PTH2R: variants seen among roughly 807,000 people sequenced by gnomAD.
PTH2R encodes the protein PTH2 receptor.
In PTH2R, 59 loss-of-function variants were observed where a neutral mutation model predicts 60.3. The ratio of observed to expected loss-of-function variants is 0.98; its 90% CI spans 0.79 to 1.22. The LOEUF (loss-of-function observed/expected upper bound fraction) is 1.22, where lower values mean the gene tolerates loss of function less well. Ranked by LOEUF, PTH2R falls within the 50% of genes most tolerant of loss-of-function variation. PTH2R has a pLI of 0.00. For missense variants in PTH2R, 749 were observed against 682.6 expected, an observed-to-expected ratio of 1.10 and a Z score of -1.08; for synonymous variants, 256 against 243.8, an observed-to-expected ratio of 1.05 and a Z score of -0.47.
chr2:208,400,604 A>G (rs1296745971), intron 1 of PTH2R, among the ~76,000 whole-genome samples: 1 of 152,214 alleles, frequency 6.6e-6, no homozygotes, highest in Non-Finnish European at 1.5e-5. Context: ...TTGTGGTACT[A>G]TCTATAACCT....
intron 9 of PTH2R, among the ~76,000 whole-genome samples, chr2:208,480,285 A>G (rs935468604): frequency 2.0e-5 from 3 of 152,186 alleles, no homozygotes; most frequent in African/African-American, 7.2e-5. Context: ...TTGGCAATCT[A>G]CATTTCCATT....
chr2:208,460,899 C>A (rs1460787364), intron 9 of PTH2R, among the ~76,000 whole-genome samples: 3 of 152,018 alleles, frequency 2.0e-5, no homozygotes, highest in Admixed American at 2.0e-4. Context: ...GTTTCATATT[C>A]TTCTTGTTTT....
chr2:208,361,054 A>G (rs541099270), intron 1 of PTH2R: 18 of 209,122 alleles, frequency 8.6e-5, no homozygotes, highest in Non-Finnish European at 1.4e-4. Flanking sequence ...ACAGATGGCG[A>G]TGACACACAG....
At chr2:208,483,854 T>C (rs1574914284) in intron 10 of PTH2R, among the ~76,000 whole-genome samples, 3 of 152,206 alleles carry the variant, frequency 2.0e-5, no homozygotes, top group Admixed American at 2.0e-4. Context: ...GAGAAAAATG[T>C]GGGAACCTAC....
chr2:208,434,399 C>CA (rs1702032903), intron 2 of PTH2R, among the ~76,000 whole-genome samples: 1 of 151,630 alleles, frequency 6.6e-6, no homozygotes, highest in African/African-American at 2.4e-5. Context: ...AAAGAGCAAC[C>CA]AAAAAAATAA....
rs772768021 is a variant in PTH2R, at chr2:208,442,449, T to C, written c.497T>C (p.Ile166Thr). Residue 166 changes from isoleucine (I) to threonine (T), a missense_variant, in exon 5 of 13, where the codon ATT (isoleucine) becomes ACT (threonine). Physicochemically the swap from Ile to Thr is moderately conservative, Grantham distance 89. Coordinates refer to ENST00000272847, the MANE Select transcript of PTH2R (RefSeq NM_005048.4). ...TCCTTGGCTGTGGCTATTCTCATCA[T>C]TGGTTACTTCAGGTGAGTGATGCCC... ...FGSLAVAILIIGYFRRLHCTR... is the reference protein window; with the variant it reads ...FGSLAVAILITGYFRRLHCTR... The C allele has an allele frequency of 1.1e-5, 18 of 1,606,762 alleles. No homozygotes were observed. In the African/African-American group the frequency reaches 2.1e-4, roughly 19 times the overall value.
chr2:208,450,771 A>G lies in PTH2R; in HGVS notation c.876A>G (p.Ala292=). 1 of 1,614,040 alleles carries G rather than the reference A, an allele frequency of 6.2e-7. No homozygotes were observed. Residue 292 remains alanine (A), a synonymous_variant, in exon 8 of 13, where the codon GCA becomes GCG. Transcript: ENST00000272847. The part of the protein sequence containing the change: ...IGWGFPAAFV[A]AWAVARATLA... ...CAGGGTTTCCAGCAGCATTTGTTGCAGCATGGGCTGTGGCACGAGCAACTC... is the reference window on the plus strand; with the variant it reads ...CAGGGTTTCCAGCAGCATTTGTTGCGGCATGGGCTGTGGCACGAGCAACTC...
intron 4 of PTH2R, 35 bp from the exon 5 acceptor site, chr2:208,442,329 T>C (rs1702201334): frequency 7.1e-7 from 1 of 1,415,956 alleles, no homozygotes; most frequent in South Asian, 1.2e-5. Context: ...GGTAAAATAG[T>C]CCCATATCAT....
chr2:208,487,922 T>C (rs990199085), intron 10 of PTH2R, among the ~76,000 whole-genome samples: 1 of 152,204 alleles, frequency 6.6e-6, no homozygotes, highest in Non-Finnish European at 1.5e-5. Flanking sequence ...GTTACAGCCT[T>C]ATGCAATGTA....
intron 1 of PTH2R, among the ~76,000 whole-genome samples, chr2:208,381,194 T>C (rs1214334594): frequency 2.0e-5 from 3 of 152,082 alleles, no homozygotes; most frequent in Non-Finnish European, 4.4e-5. Context: ...ATAAAATATA[T>C]GTAAAGAACC....
Position 208,489,079 on chromosome 2 carries a change from C to G in PTH2R, c.1144C>G (p.Leu382Val), listed in dbSNP as rs1703341388. The part of the protein sequence containing the change: ...FGVHYIVFVC[L>V]PHSFTGLGWE... ...AGTGCATTACATCGTGTTCGTATGC[C>G]TGCCTCACTCCTTCACTGGGCTCGG... The change falls in exon 11 of 13, where the codon CTG (leucine) becomes GTG (valine). Residue 382 changes from leucine to valine, a missense_variant. By Grantham distance (32) the Leu-to-Val change is conservative (BLOSUM62 1). Coordinates refer to ENST00000272847, the MANE Select transcript of PTH2R (RefSeq NM_005048.4). 3 of 1,614,090 alleles carry G rather than the reference C, an allele frequency of 1.9e-6. No homozygotes were observed. Among genetic ancestry groups the G allele is most frequent in the Non-Finnish European group, 2.5e-6 (3 of 1,179,988 alleles).
In PTH2R at chr2:208,494,359, TCA is replaced by T. The variant is rs1260527994; in HGVS notation, c.*701_*702del. ...AACTATGTCATGTGGAAAGATTTCCTCAGTTAGTGAGCTTGTGTCTGCAAATT... is the reference window on the plus strand; with the variant it reads ...AACTATGTCATGTGGAAAGATTTCCTGTTAGTGAGCTTGTGTCTGCAAATT... On this transcript the variant is annotated 3_prime_UTR_variant, in exon 13 of 13. Coordinates refer to ENST00000272847, the MANE Select transcript of PTH2R (RefSeq NM_005048.4). 1.3e-5 allele frequency: 2 copies of T among 152,250 alleles called. No individual in the cohort carries two copies. Among genetic ancestry groups the T allele is most frequent in the Non-Finnish European group, 2.9e-5 (2 of 68,040 alleles). 9.4% of individuals were successfully genotyped at this position (152,250 alleles called of 1,614,324 possible).
In PTH2R at chr2:208,453,661, A is replaced by G. The variant is rs76441441; in HGVS notation, c.914+2852A>G. Among the ~76,000 whole-genome samples the G allele has an allele frequency of 3.3e-3, 500 of 152,268 alleles. 3 individuals are homozygous for G. Among genetic ancestry groups the G allele is most frequent in the African/African-American group, 0.012 (483 of 41,536 alleles). Reference sequence around the variant, plus strand: ...TGCTCCATATCTATTAAGCAATGATAAAGTTTGAGTTAATGCAAGTTGTGA... The same window carrying G: ...TGCTCCATATCTATTAAGCAATGATGAAGTTTGAGTTAATGCAAGTTGTGA... On this transcript the variant is annotated intron_variant, in intron 8 of 12. Coordinates refer to ENST00000272847, the MANE Select transcript of PTH2R (RefSeq NM_005048.4).
intron 1 of PTH2R, among the ~76,000 whole-genome samples, chr2:208,419,247 T>C (rs1179001407): frequency 1.3e-5 from 2 of 152,256 alleles, no homozygotes; most frequent in Non-Finnish European, 2.9e-5. Context: ...ATTGTGGTTT[T>C]GATTTGCATT....
intron 9 of PTH2R, among the ~76,000 whole-genome samples, chr2:208,477,943 G>C (rs369838329): frequency 5.2e-4 from 17 of 32,700 alleles, no homozygotes; most frequent in East Asian, 2.4e-3. Context: ...ACTACTACTA[G>C]TAGTACTAGC....
At chr2:208,468,182 A>G (rs987786073) in intron 9 of PTH2R, among the ~76,000 whole-genome samples, 3 of 152,204 alleles carry the variant, frequency 2.0e-5, no homozygotes, top group African/African-American at 7.2e-5. Context: ...AAATAAGCCC[A>G]GAACTTAACC....
chr2:208,481,893 C>G (rs976938371), intron 10 of PTH2R, among the ~76,000 whole-genome samples: 3 of 152,206 alleles, frequency 2.0e-5, no homozygotes, highest in African/African-American at 7.2e-5. Context: ...GAGGTCCATT[C>G]TTCAGCCTTT....
intron 1 of PTH2R, among the ~76,000 whole-genome samples, chr2:208,423,116 C>G (rs905081052): frequency 2.0e-5 from 3 of 151,258 alleles, no homozygotes; most frequent in Non-Finnish European, 4.4e-5. Context: ...TTATGATGTC[C>G]TTCTTTCTAC....
At chr2:208,454,212 A>G (rs1404427754) in intron 8 of PTH2R, among the ~76,000 whole-genome samples, 2 of 152,142 alleles carry the variant, frequency 1.3e-5, no homozygotes, top group African/African-American at 4.8e-5. Context: ...GAGAAAGAAT[A>G]GGAAAAAGTA....
Sources: gnomAD v4.1 joint callset for allele counts (sites outside exome capture counted in the v4.1 genomes callset) on GRCh38, gnomAD v4.1.1 for gene constraint, MANE v1.5 for transcripts, NCBI Gene and HGNC (gene_info 2026-07-23, HGNC 2026-07-21) for gene names.